The following NAALADL2 variants were observed in gnomAD, a reference collection of about 807,000 sequenced individuals.
NAALADL2 encodes the protein inactive N-acetylated-alpha-linked acidic dipeptidase-like protein 2.
In NAALADL2, 76 loss-of-function variants were observed where a neutral mutation model predicts 87.2. The observed-to-expected ratio is 0.87, with a 90% confidence interval of 0.72 to 1.05. The LOEUF is 1.05. Among genes scored for constraint, NAALADL2 ranks in the 50% least tolerant of loss-of-function variants. The probability of loss-of-function intolerance (pLI) is 0.00; values close to 1 mark genes in which losing one functional copy is unlikely to be tolerated. For synonymous variants in NAALADL2, 354 were observed against 331.0 expected, an observed-to-expected ratio of 1.07 and a Z score of -0.75; for missense variants, 1,089 against 945.8, an observed-to-expected ratio of 1.15 and a Z score of -1.99.
At chr3:174,841,537 A>G (rs1278402128) in intron 3 of NAALADL2, among the ~76,000 whole-genome samples, 1 of 152,218 alleles carries the variant, frequency 6.6e-6, no homozygotes, top group Non-Finnish European at 1.5e-5. Flanking sequence ...AACTTGGAAA[A>G]GATTTTACCT....
At chr3:175,549,187 T>G (rs1386876192) in intron 9 of NAALADL2, among the ~76,000 whole-genome samples, 1 of 152,052 alleles carries the variant, frequency 6.6e-6, no homozygotes, top group East Asian at 1.9e-4. Context: ...TGTAGTTCTA[T>G]GATATGATTA....
intron 2 of NAALADL2, among the ~76,000 whole-genome samples, chr3:174,619,388 A>T (rs1337305669): frequency 6.6e-6 from 1 of 151,892 alleles, no homozygotes; most frequent in Non-Finnish European, 1.5e-5. Context: ...TTTGTAAAAC[A>T]TGTTCTCTTC....
At chr3:174,872,515 A>G (rs1289841632) in intron 1 of NAALADL2, among the ~76,000 whole-genome samples, 1 of 152,222 alleles carries the variant, frequency 6.6e-6, no homozygotes, top group East Asian at 1.9e-4. Flanking sequence ...AAGTAGATTC[A>G]TATTTAAATT....
intron 9 of NAALADL2, among the ~76,000 whole-genome samples, chr3:175,508,926 G>A (rs552967587): frequency 6.6e-6 from 1 of 152,126 alleles, no homozygotes; most frequent in East Asian, 1.9e-4. Context: ...GACGAGCCTG[G>A]TCAACATGGT....
chr3:175,711,724 C>G (rs1325685163), intron 11 of NAALADL2, among the ~76,000 whole-genome samples: 2 of 151,774 alleles, frequency 1.3e-5, no homozygotes, highest in Non-Finnish European at 2.9e-5. Flanking sequence ...ATTCTTGTTG[C>G]TGTTTTGTGT....
intron 2 of NAALADL2, among the ~76,000 whole-genome samples, chr3:174,713,975 A>G (rs1175300259): frequency 1.4e-4 from 21 of 152,042 alleles, no homozygotes; most frequent in East Asian, 3.9e-4. Flanking sequence ...ATTAATTTTT[A>G]TATAAGGTGT....
rs1208938698 is a variant in NAALADL2, at chr3:175,803,195, A to G, written c.2380A>G (p.Lys794Glu). 1.3e-6 allele frequency: 2 copies of G among 1,595,282 alleles called. No individual in the cohort carries two copies. Among genetic ancestry groups the G allele is most frequent in the South Asian group, 1.1e-5 (1 of 89,344 alleles). The change falls in exon 14 of 14, where the codon AAG becomes GAG. Residue 794 changes from lysine to glutamate, a missense_variant. Coordinates refer to ENST00000454872, the MANE Select transcript of NAALADL2 (RefSeq NM_207015.3). ...LDVFKSVLDG[K>E]N Reference sequence around the variant, plus strand: ...TGTGTTCAAGAGTGTCTTGGATGGGAAGAATTGAGAAAACTCTGAGCATTT... The same window carrying G: ...TGTGTTCAAGAGTGTCTTGGATGGGGAGAATTGAGAAAACTCTGAGCATTT...
chr3:175,787,432 C>A lies in NAALADL2; in HGVS notation c.2190-15573C>A, dbSNP rs1036116439. 1.2e-3 allele frequency among the ~76,000 whole-genome samples: 185 copies of A among 152,288 alleles called. 1 individual carries two copies. Among genetic ancestry groups the A allele is most frequent in the African/African-American group, 1.8e-3 (75 of 41,568 alleles). ...TCTTGTGGTGCGCCGTTTTTTAAGCCGGTCCGAAAAGCACAATATTCGGAT... is the reference window on the plus strand; with the variant it reads ...TCTTGTGGTGCGCCGTTTTTTAAGCAGGTCCGAAAAGCACAATATTCGGAT... On this transcript the variant is annotated intron_variant, in intron 13 of 13. Transcript: ENST00000454872.
At chr3:174,555,334 T>C (rs1411065267) in intron 2 of NAALADL2, among the ~76,000 whole-genome samples, 1 of 152,194 alleles carries the variant, frequency 6.6e-6, no homozygotes, top group Admixed American at 6.5e-5. Flanking sequence ...AGTCTCACTC[T>C]TGTCGCCCAG....
chr3:174,525,947 T>C (rs1720707777), intron 1 of NAALADL2, among the ~76,000 whole-genome samples: 1 of 152,206 alleles, frequency 6.6e-6, no homozygotes, highest in Non-Finnish European at 1.5e-5. Flanking sequence ...AAGAGTAGTC[T>C]GAGTTTCATA....
At chr3:175,203,224 C>T (rs1353666657) in intron 2 of NAALADL2, among the ~76,000 whole-genome samples, 1 of 152,120 alleles carries the variant, frequency 6.6e-6, no homozygotes, top group Non-Finnish European at 1.5e-5. Flanking sequence ...CTGCCCCCCT[C>T]ACCCCACTCC....
intron 2 of NAALADL2, among the ~76,000 whole-genome samples, chr3:174,614,663 G>A (rs1720270067): frequency 6.6e-6 from 1 of 152,118 alleles, no homozygotes. Context: ...GGTACTTTGA[G>A]CGCTCATCTG....
intron 13 of NAALADL2, among the ~76,000 whole-genome samples, chr3:175,788,574 C>T (rs1022817963): frequency 6.6e-6 from 1 of 152,072 alleles, no homozygotes; most frequent in African/African-American, 2.4e-5. Context: ...GTGTAGTAGG[C>T]TACACCGTCT....
At chr3:175,766,582 G>A (rs1748710146) in intron 13 of NAALADL2, among the ~76,000 whole-genome samples, 1 of 151,950 alleles carries the variant, frequency 6.6e-6, no homozygotes, top group Admixed American at 6.6e-5. Flanking sequence ...ATGAAATCTA[G>A]GTTCCCTATG....
intron 1 of NAALADL2, among the ~76,000 whole-genome samples, chr3:175,011,473 T>C (rs1048589336): frequency 3.3e-5 from 5 of 152,148 alleles, no homozygotes; most frequent in Admixed American, 3.3e-4. Context: ...ATGTGATATA[T>C]AGCAAAAGAG....
chr3:175,097,366 T>C, intron 2 of NAALADL2, 75 bp downstream of exon 2: 1 of 1,328,660 alleles, frequency 7.5e-7, no homozygotes, highest in Non-Finnish European at 1.0e-6. Context: ...ATTGAACTGA[T>C]GATTTTTCAT....
chr3:174,974,779 G>A (rs552245193), intron 1 of NAALADL2, among the ~76,000 whole-genome samples: 1 of 152,158 alleles, frequency 6.6e-6, no homozygotes, highest in South Asian at 2.1e-4. Context: ...TTGATAGGGT[G>A]GGTGGTGGGA....
At chr3:174,697,686 A>G (rs541183281) in intron 2 of NAALADL2, among the ~76,000 whole-genome samples, 1 of 152,338 alleles carries the variant, frequency 6.6e-6, no homozygotes, top group African/African-American at 2.4e-5. Flanking sequence ...AATACAATGC[A>G]TCATGGCCCC....
At chr3:175,368,851 A>G (rs1012294418) in intron 5 of NAALADL2, among the ~76,000 whole-genome samples, 1 of 152,114 alleles carries the variant, frequency 6.6e-6, no homozygotes, top group Non-Finnish European at 1.5e-5. Context: ...GTATTTGTAT[A>G]TCTAAACATA....
Sources: allele counts gnomAD v4.1 joint callset (sites outside exome capture counted in the v4.1 genomes callset), GRCh38; gene constraint gnomAD v4.1.1; transcripts MANE v1.5; gene names NCBI Gene and HGNC (gene_info 2026-07-23, HGNC 2026-07-21).